Variants in PTPRD observed in about 807,000 individuals in gnomAD.
PTPRD encodes receptor-type tyrosine-protein phosphatase delta.
A neutral mutation model predicts 214.5 loss-of-function variants in PTPRD; 34 were observed. That is an observed-to-expected ratio of 0.16 (90% confidence interval 0.12 to 0.21). The LOEUF (loss-of-function observed/expected upper bound fraction) is 0.21. Ranked by LOEUF, PTPRD falls within the 10% of genes least tolerant of loss-of-function variation. The pLI is 1.00. For missense variants in PTPRD, 2,545 were observed against 2,398.7 expected (o/e 1.06, Z -1.27); for synonymous variants, 1,128 against 845.7 (o/e 1.33, Z -5.79).
chr9:10,277,671 A>G (rs532895940), intron 3 of PTPRD, among the ~76,000 whole-genome samples: 1 of 152,348 alleles, frequency 6.6e-6, no homozygotes, highest in East Asian at 1.9e-4. Flanking sequence ...CTATCCCTAC[A>G]GTAAAGAAAT....
intron 5 of PTPRD, among the ~76,000 whole-genome samples, chr9:9,797,924 T>A (rs932735448): frequency 6.6e-6 from 1 of 152,150 alleles, no homozygotes; most frequent in Non-Finnish European, 1.5e-5. Context: ...TAGAAAATGA[T>A]GGATTTGAGG....
chr9:10,559,596 G>T (rs1467237949), intron 2 of PTPRD, among the ~76,000 whole-genome samples: 2 of 152,052 alleles, frequency 1.3e-5, no homozygotes, highest in Non-Finnish European at 2.9e-5. Context: ...CACAGCAAAA[G>T]AAGCTACCAT....
At chr9:10,148,884 T>C (rs1477278092) in intron 3 of PTPRD, among the ~76,000 whole-genome samples, 1 of 152,208 alleles carries the variant, frequency 6.6e-6, no homozygotes, top group African/African-American at 2.4e-5. Context: ...TTATTGGATA[T>C]AGACATTTGA....
chr9:10,065,185 A>AAGAAAGAAAGAAAGAAAGAAAGAAAG (rs1232526394), intron 3 of PTPRD, among the ~76,000 whole-genome samples: 1 of 151,842 alleles, frequency 6.6e-6, no homozygotes, highest in African/African-American at 2.4e-5. Flanking sequence ...GAAAGAAAGA[A>AAGAAAGAAAGAAAGAAAGAAAGAAAG]AGAAAGAAAA....
At chr9:8,634,240 T>TA (rs59879265) in intron 13 of PTPRD, among the ~76,000 whole-genome samples, 8,053 of 144,192 alleles carry the variant, frequency 0.056, 636 homozygotes, top group African/African-American at 0.18. Flanking sequence ...AAGTACCACT[T>TA]AAAAAAAAAA....
chr9:10,359,937 T>C (rs1476156359), intron 2 of PTPRD, among the ~76,000 whole-genome samples: 3 of 152,216 alleles, frequency 2.0e-5, no homozygotes, highest in Non-Finnish European at 2.9e-5. Flanking sequence ...GAGAATTGTA[T>C]ATGTTGTTTT....
At chr9:10,158,859 T>G (rs2099110016) in intron 3 of PTPRD, among the ~76,000 whole-genome samples, 1 of 152,096 alleles carries the variant, frequency 6.6e-6, no homozygotes, top group Admixed American at 6.6e-5. Flanking sequence ...CAGGAGTGCC[T>G]AAAGGGCAAA....
Position 10,533,009 on chromosome 9 carries a change from A to G in PTPRD, c.-600+79389T>C, listed in dbSNP as rs577347518. On this transcript the variant is annotated intron_variant, in intron 2 of 45. Transcript: ENST00000381196. ...GGATCATAAGAGTAGCTCCTTCATGAATAGATTAATGCCCTCTAATGCTCT... is the reference window on the plus strand; with the variant it reads ...GGATCATAAGAGTAGCTCCTTCATGGATAGATTAATGCCCTCTAATGCTCT... 9.2e-5 allele frequency among the ~76,000 whole-genome samples: 14 copies of G among 152,190 alleles called. No individual in the cohort carries two copies. In the South Asian group the frequency reaches 2.9e-3, roughly 32 times the overall value.
intron 39 of PTPRD, among the ~76,000 whole-genome samples, chr9:8,362,034 C>T (rs2078635478): frequency 6.6e-6 from 1 of 152,182 alleles, no homozygotes; most frequent in Admixed American, 6.5e-5. Context: ...GAAATGCAGG[C>T]AAAGAATTCA....
chr9:8,856,289 G>A (rs748967999), intron 11 of PTPRD, among the ~76,000 whole-genome samples: 1 of 152,136 alleles, frequency 6.6e-6, no homozygotes, highest in Non-Finnish European at 1.5e-5. Context: ...TGAGTGGTTG[G>A]TGTGTGCACT....
At position 9,278,549 on chromosome 9, in the gene PTPRD, T is replaced by A. The variant is rs1356176031; in HGVS notation, c.-202-95186A>T. On this transcript the variant is annotated intron_variant, in intron 9 of 45. Coordinates refer to ENST00000381196, the MANE Select transcript of PTPRD (RefSeq NM_002839.4). ...TATATTTTAACGTCAGATGAGGGAT[T>A]TGGGAAAAGTTAAGAGCCTGGCTGT... Among the ~76,000 whole-genome samples, 4 of 151,238 alleles carry A rather than the reference T, an allele frequency of 2.6e-5. No homozygotes were observed. In the East Asian group the frequency reaches 7.8e-4, roughly 30 times the overall value.
chr9:8,673,124 G>A (rs150789198), intron 12 of PTPRD, among the ~76,000 whole-genome samples: 1 of 151,590 alleles, frequency 6.6e-6, no homozygotes, highest in Non-Finnish European at 1.5e-5. Flanking sequence ...ATTTGTATTA[G>A]CTGATTTTTT....
At chr9:8,610,035 C>T (rs1430184373) in intron 14 of PTPRD, among the ~76,000 whole-genome samples, 1 of 152,144 alleles carries the variant, frequency 6.6e-6, no homozygotes, top group South Asian at 2.1e-4. Flanking sequence ...CTACCTATCC[C>T]TCAGGACTGA....
At chr9:8,525,961 G>A (rs954882735) in intron 17 of PTPRD, among the ~76,000 whole-genome samples, 9 of 151,886 alleles carry the variant, frequency 5.9e-5, no homozygotes, top group Non-Finnish European at 1.2e-4. Flanking sequence ...CCAAAAATCC[G>A]GAGACGAGTA....
chr9:9,385,532 T>G (rs1038522268), intron 9 of PTPRD, among the ~76,000 whole-genome samples: 1 of 152,138 alleles, frequency 6.6e-6, no homozygotes, highest in Non-Finnish European at 1.5e-5. Flanking sequence ...GTGTGTGAAA[T>G]AAAGTTACCA....
At chr9:9,779,078 CAAAAAAAAA>C (rs869120926) in intron 5 of PTPRD, among the ~76,000 whole-genome samples, 67 of 45,488 alleles carry the variant, frequency 1.5e-3, no homozygotes, top group African/African-American at 4.4e-3. Flanking sequence ...ATAAGACTGA[CAAAAAAAAA>C]AAAAAAAAAA....
chr9:9,553,602 C>T (rs981471245), intron 8 of PTPRD, among the ~76,000 whole-genome samples: 1 of 151,948 alleles, frequency 6.6e-6, no homozygotes, highest in Admixed American at 6.6e-5. Flanking sequence ...ATGGATACCC[C>T]TTACTTACTG....
intron 9 of PTPRD, among the ~76,000 whole-genome samples, chr9:9,377,032 A>G (rs1179684192): frequency 6.6e-6 from 1 of 152,064 alleles, no homozygotes; most frequent in African/African-American, 2.4e-5. Context: ...AAAAAGCATC[A>G]TCAAGCTAAA....
At chr9:10,161,128 G>C (rs1331608619) in intron 3 of PTPRD, among the ~76,000 whole-genome samples, 1 of 151,754 alleles carries the variant, frequency 6.6e-6, no homozygotes, top group Admixed American at 6.6e-5. Context: ...TTGTTAAAAT[G>C]ACAATACTAC....
Sources: allele counts gnomAD v4.1 joint callset (sites outside exome capture counted in the v4.1 genomes callset), GRCh38; gene constraint gnomAD v4.1.1; transcripts MANE v1.5; gene names NCBI Gene and HGNC (gene_info 2026-07-23, HGNC 2026-07-21).